Variants in GPHN observed in about 807,000 individuals in gnomAD.
GPHN encodes gephyrin.
A neutral mutation model predicts 95.5 loss-of-function variants in GPHN; 17 were observed. The ratio of observed to expected loss-of-function variants is 0.18; its 90% confidence interval spans 0.12 to 0.27. The LOEUF (loss-of-function observed/expected upper bound fraction) is 0.27. Among genes scored for constraint, GPHN ranks in the 10% least tolerant of loss-of-function variants. GPHN has a pLI of 1.00. For synonymous variants in GPHN, 320 were observed against 322.5 expected, an observed-to-expected ratio of 0.99 and a Z score of 0.08; for missense variants, 660 against 978.1, an observed-to-expected ratio of 0.67 and a Z score of 4.34.
the GPHN span, among the ~76,000 whole-genome samples, chr14:67,354,649 T>C: frequency 6.6e-6 from 1 of 152,214 alleles, no homozygotes; most frequent in Non-Finnish European, 1.5e-5. Context: ...GCTGTCTATA[T>C]AACAGTCTTA....
chr14:67,486,177 T>C, the GPHN span, among the ~76,000 whole-genome samples: 3 of 152,222 alleles, frequency 2.0e-5, no homozygotes, highest in Admixed American at 6.5e-5. Context: ...TCCACCATGT[T>C]GTGGGAGGAA....
chr14:66,543,998 G>A (rs1186697532), intron 1 of GPHN, among the ~76,000 whole-genome samples: 1 of 152,160 alleles, frequency 6.6e-6, no homozygotes, highest in African/African-American at 2.4e-5. Flanking sequence ...CAGTTTAAAA[G>A]CCACTGGCCT....
At chr14:67,146,877 T>TA (rs2080929192) in intron 18 of GPHN, among the ~76,000 whole-genome samples, 1 of 151,982 alleles carries the variant, frequency 6.6e-6, no homozygotes, top group Admixed American at 6.6e-5. Context: ...CTACTAAAAA[T>TA]AAAAAATTAG....
intron 1 of GPHN, among the ~76,000 whole-genome samples, chr14:66,669,934 G>T (rs1394044240): frequency 6.6e-6 from 1 of 152,082 alleles, no homozygotes; most frequent in African/African-American, 2.4e-5. Context: ...CTGCTGCCTT[G>T]GTCTTAGCAC....
chr14:67,187,006 G>C, the GPHN span, among the ~76,000 whole-genome samples: 11 of 152,262 alleles, frequency 7.2e-5, no homozygotes, highest in Admixed American at 5.9e-4. Context: ...ACGGCTTAAA[G>C]AATGCAACGT....
At chr14:67,175,507 A>C (rs886920964) in intron 21 of GPHN, among the ~76,000 whole-genome samples, 1 of 152,188 alleles carries the variant, frequency 6.6e-6, no homozygotes, top group Non-Finnish European at 1.5e-5. Context: ...GCAGTCAGGT[A>C]GCGTGATGCC....
the GPHN span, among the ~76,000 whole-genome samples, chr14:67,192,107 G>A: frequency 1.2e-4 from 19 of 152,314 alleles, no homozygotes; most frequent in African/African-American, 2.4e-4. Flanking sequence ...GCTCTGCAGC[G>A]CAGCAAAAGC....
At chr14:66,564,508 T>A (rs1433841929) in intron 1 of GPHN, among the ~76,000 whole-genome samples, 1 of 152,188 alleles carries the variant, frequency 6.6e-6, no homozygotes, top group East Asian at 1.9e-4. Flanking sequence ...ATCCCTTTTA[T>A]TTAAGTAGGG....
the GPHN span, chr14:67,320,428 G>A: frequency 6.5e-6 from 10 of 1,543,438 alleles, no homozygotes; most frequent in Non-Finnish European, 8.7e-6. Flanking sequence ...ATTTTCCTGT[G>A]CTTTTCAATT....
In GPHN at chr14:66,879,526, T is replaced by G. The variant is rs539826420; in HGVS notation, c.295-413T>G. 2.6e-5 allele frequency among the ~76,000 whole-genome samples: 4 copies of G among 152,116 alleles called. No homozygotes were observed. The East Asian group carries it at 5.8e-4, about 22-fold the overall frequency. On this transcript the variant is annotated intron_variant, in intron 4 of 22. Coordinates refer to ENST00000478722, the MANE Select transcript of GPHN (RefSeq NM_020806.5). ...TATAAAAGCATAGAGCTAGGAGAGA[T>G]ATGGATTATCTCAGGTTTTCAGAGA...
At chr14:67,421,715 T>C in the GPHN span, among the ~76,000 whole-genome samples, 1 of 152,100 alleles carries the variant, frequency 6.6e-6, no homozygotes, top group Non-Finnish European at 1.5e-5. Context: ...GGTAAGAGCA[T>C]GGAATTACGT....
At chr14:67,382,239 C>T in the GPHN span, among the ~76,000 whole-genome samples, 1 of 151,628 alleles carries the variant, frequency 6.6e-6, no homozygotes, top group Non-Finnish European at 1.5e-5. Context: ...GCATTAGATC[C>T]CTGTGTTGAT....
chr14:66,535,949 T>C (rs1033859290), intron 1 of GPHN, among the ~76,000 whole-genome samples: 6 of 152,150 alleles, frequency 3.9e-5, no homozygotes, highest in African/African-American at 1.4e-4. Context: ...TTGTTTTCCC[T>C]TATTGCAATG....
intron 5 of GPHN, among the ~76,000 whole-genome samples, chr14:66,901,511 G>C (rs2065130284): frequency 6.6e-6 from 1 of 151,904 alleles, no homozygotes; most frequent in Non-Finnish European, 1.5e-5. Flanking sequence ...TCATGTTTCA[G>C]GTCTTAGATT....
At chr14:67,562,646 C>T in the GPHN span, 7 of 1,612,862 alleles carry the variant, frequency 4.3e-6, no homozygotes, top group South Asian at 5.5e-5. Flanking sequence ...CCAGGTGGGC[C>T]ATGGGCACTT....
chr14:67,732,236 A>G, the GPHN span, among the ~76,000 whole-genome samples: 23 of 152,078 alleles, frequency 1.5e-4, no homozygotes, highest in Non-Finnish European at 2.5e-4. Flanking sequence ...CGGGAATTCC[A>G]TACCAGCCTG....
chr14:67,027,335 T>C (rs994631795), intron 10 of GPHN, among the ~76,000 whole-genome samples: 1 of 152,194 alleles, frequency 6.6e-6, no homozygotes, highest in African/African-American at 2.4e-5. Context: ...ATAGCTTTCT[T>C]TCTGCCCCAC....
At chr14:67,402,561 C>T in the GPHN span, among the ~76,000 whole-genome samples, 1 of 152,220 alleles carries the variant, frequency 6.6e-6, no homozygotes, top group East Asian at 1.9e-4. Context: ...TAACCATTCC[C>T]ATCTCCCCGG....
At chr14:67,268,259 T>C in the GPHN span, among the ~76,000 whole-genome samples, 1 of 152,242 alleles carries the variant, frequency 6.6e-6, no homozygotes, top group Non-Finnish European at 1.5e-5. Flanking sequence ...TTTTCTTGTT[T>C]GTAGTGTTAT....
Sources: gnomAD v4.1 joint callset for allele counts (sites outside exome capture counted in the v4.1 genomes callset) on GRCh38, gnomAD v4.1.1 for gene constraint, MANE v1.5 for transcripts, NCBI Gene and HGNC (gene_info 2026-07-23, HGNC 2026-07-21) for gene names.